TXNRD1: variants seen among roughly 807,000 people sequenced by gnomAD.
TXNRD1 encodes thioredoxin reductase 1, cytoplasmic.
In TXNRD1, 57 loss-of-function variants were observed where a neutral mutation model predicts 80.3. The ratio of observed to expected loss-of-function variants is 0.71; its 90% CI spans 0.57 to 0.89. TXNRD1 has a LOEUF of 0.89. Ranked by LOEUF, TXNRD1 falls within the 40% of genes least tolerant of loss-of-function variation. The pLI is 0.00. For synonymous variants in TXNRD1, 291 were observed against 285.2 expected, an observed-to-expected ratio of 1.02 and a Z score of -0.20; for missense variants, 730 against 803.0, an observed-to-expected ratio of 0.91 and a Z score of 1.10.
At chr12:104,271,334 C>G (rs1349431906) in intron 3 of TXNRD1, among the ~76,000 whole-genome samples, 8 of 151,836 alleles carry the variant, frequency 5.3e-5, no homozygotes, top group Admixed American at 4.6e-4. Flanking sequence ...TACAGGTGCC[C>G]GCCACTAATT....
At chr12:104,304,251 A>G in intron 4 of TXNRD1, 1 of 1,614,068 alleles carries the variant, frequency 6.2e-7, no homozygotes, top group Non-Finnish European at 8.5e-7. Flanking sequence ...AAGGCAAAGC[A>G]GTTAAACTCA....
intron 2 of TXNRD1, among the ~76,000 whole-genome samples, chr12:104,252,660 T>TCATATATATATATATATA (rs1182730147): frequency 7.5e-5 from 4 of 53,206 alleles, no homozygotes; most frequent in African/African-American, 4.2e-4. Flanking sequence ...ATTTATTATT[T>TCATATATATATATATATA]TTTATATATA....
chr12:104,237,838 C>T (rs557557545), intron 1 of TXNRD1, among the ~76,000 whole-genome samples: 10 of 151,962 alleles, frequency 6.6e-5, no homozygotes, highest in Admixed American at 6.6e-4. Context: ...TATGGTAAAA[C>T]CGTCTCTACT....
intron 15 of TXNRD1, among the ~76,000 whole-genome samples, chr12:104,334,957 A>G (rs1020043659): frequency 6.6e-6 from 1 of 152,194 alleles, no homozygotes; most frequent in Non-Finnish European, 1.5e-5. Context: ...ATGAATAACA[A>G]AAAAGAACAG....
intron 15 of TXNRD1, among the ~76,000 whole-genome samples, chr12:104,334,544 G>A (rs2036068302): frequency 6.6e-6 from 1 of 152,066 alleles, no homozygotes; most frequent in Admixed American, 6.5e-5. Context: ...CACCACACTG[G>A]CTAATTTTTG....
At chr12:104,270,314 A>G (rs370359731) in intron 3 of TXNRD1, among the ~76,000 whole-genome samples, 7 of 152,336 alleles carry the variant, frequency 4.6e-5, no homozygotes, top group African/African-American at 9.6e-5. Context: ...CTTGAAAGTC[A>G]AAATTAATCC....
chr12:104,308,401 CTT>C (rs759927841), intron 4 of TXNRD1, among the ~76,000 whole-genome samples: 96 of 152,250 alleles, frequency 6.3e-4, no homozygotes, highest in Non-Finnish European at 1.2e-3. Flanking sequence ...TATGAGCTGT[CTT>C]TTGTTGTCAG....
At position 104,334,280 on chromosome 12, in the gene TXNRD1, C is replaced by A; in HGVS notation, c.1694C>A (p.Ser565Ter). 1 of 1,538,592 alleles carries A rather than the reference C, an allele frequency of 6.5e-7. No individual in the cohort carries two copies. The highest frequency in any genetic ancestry group is 1.2e-5 in the South Asian group (1 of 80,942). ...TGGCCATTGGAATGGACGATTCCGT[C>A]AAGAGATAACAACAAATGTTATGCA... ...YFWPLEWTIP[S>*]RDNNKCYAKI... The change falls in exon 15 of 17, where the codon TCA becomes TAA. Residue 565 changes from serine (S) to a stop codon, truncating the protein, a stop_gained. Coordinates refer to ENST00000525566, the MANE Select transcript of TXNRD1 (RefSeq NM_001093771.3). LOFTEE classifies it high-confidence loss of function.
intron 1 of TXNRD1, among the ~76,000 whole-genome samples, chr12:104,224,189 A>G (rs1399676798): frequency 3.3e-5 from 5 of 152,106 alleles, no homozygotes; most frequent in Admixed American, 6.6e-5. Context: ...TACCTAAAAT[A>G]TCCTTCCTTC....
chr12:104,257,103 C>T (rs2135710065), intron 2 of TXNRD1, among the ~76,000 whole-genome samples: 1 of 149,908 alleles, frequency 6.7e-6, no homozygotes, highest in African/African-American at 2.4e-5. Flanking sequence ...AAATTATTGA[C>T]AGGCTGTTTG....
intron 9 of TXNRD1, among the ~76,000 whole-genome samples, chr12:104,320,339 G>A (rs2035484441): frequency 6.6e-6 from 1 of 152,196 alleles, no homozygotes; most frequent in East Asian, 1.9e-4. Flanking sequence ...CATGGTGGGA[G>A]AGGGAGAGGC....
Position 104,292,084 on chromosome 12 carries a change from T to C in TXNRD1, c.414+3044T>C, listed in dbSNP as rs567021920. 1.6e-3 allele frequency among the ~76,000 whole-genome samples: 245 copies of C among 152,314 alleles called. 1 individual carries two copies. Among genetic ancestry groups the C allele is most frequent in the African/African-American group, 5.6e-3 (234 of 41,548 alleles). On this transcript the variant is annotated intron_variant, in intron 4 of 16. Coordinates refer to ENST00000525566, the MANE Select transcript of TXNRD1 (RefSeq NM_001093771.3). ...AAAATGTCCACTTTTCCTTTCTCCT[T>C]TTAATATTGTTTCTTCCTCATCCCC... is the stretch of plus-strand genomic sequence containing the variant.
intron 3 of TXNRD1, among the ~76,000 whole-genome samples, chr12:104,269,559 C>T (rs1222334775): frequency 6.6e-6 from 1 of 151,796 alleles, no homozygotes; most frequent in Non-Finnish European, 1.5e-5. Flanking sequence ...GCTACCACAC[C>T]TAGCTAATTT....
At chr12:104,236,835 G>A (rs188253574) in intron 1 of TXNRD1, among the ~76,000 whole-genome samples, 99 of 149,872 alleles carry the variant, frequency 6.6e-4, no homozygotes, top group African/African-American at 2.1e-3. Flanking sequence ...CAGGGTTATA[G>A]GTATATTTAA....
At chr12:104,282,623 G>C (rs559965420) in intron 3 of TXNRD1, among the ~76,000 whole-genome samples, 1 of 151,788 alleles carries the variant, frequency 6.6e-6, no homozygotes, top group Non-Finnish European at 1.5e-5. Flanking sequence ...AAAGCTTTGT[G>C]TGTGTGTGTG....
At chr12:104,236,787 C>CAAAAA (rs35066909) in intron 1 of TXNRD1, among the ~76,000 whole-genome samples, 2 of 112,882 alleles carry the variant, frequency 1.8e-5, no homozygotes, top group African/African-American at 6.7e-5. Context: ...AAAACTGTCT[C>CAAAAA]AAAAAAAAAA....
At position 104,321,155 on chromosome 12, in the gene TXNRD1, G is replaced by T. The variant is rs911137254; in HGVS notation, c.1054G>T (p.Ala352Ser). ...KTLVVGASYV[A>S]LECAGFLAGI... The stretch of plus-strand genomic sequence containing the variant: ...CCTGGTTGTTGGAGCATCCTATGTC[G>T]CTTTGGAGTGCGCTGGATTTCTTGC... The change falls in exon 10 of 17, where the codon GCT becomes TCT. Residue 352 changes from alanine (A) to serine (S), a missense_variant. Coordinates refer to ENST00000525566, the MANE Select transcript of TXNRD1 (RefSeq NM_001093771.3). 4 of 1,611,252 alleles carry T rather than the reference G, an allele frequency of 2.5e-6. No individual in the cohort carries two copies. Among genetic ancestry groups the T allele is most frequent in the Non-Finnish European group, 3.4e-6 (4 of 1,179,664 alleles).
At position 104,246,223 on chromosome 12, in the gene TXNRD1, C is replaced by A. The variant is rs578120084; in HGVS notation, c.92-5304C>A. Reference sequence around the variant, plus strand: ...CGGGTGGATCATGAGGTCAGGAGATCGAGACCATCTTGGCTAACACGGTGA... The same window carrying A: ...CGGGTGGATCATGAGGTCAGGAGATAGAGACCATCTTGGCTAACACGGTGA... On this transcript the variant is annotated intron_variant, in intron 1 of 16. Coordinates refer to ENST00000525566, the MANE Select transcript of TXNRD1 (RefSeq NM_001093771.3). 3.4e-5 allele frequency among the ~76,000 whole-genome samples: 5 copies of A among 148,324 alleles called. No homozygotes were observed. The Admixed American group carries it at 3.4e-4, about 10-fold the overall frequency.
At position 104,239,354 on chromosome 12, in the gene TXNRD1, C is replaced by T. The variant is rs11111944; in HGVS notation, c.92-12173C>T. Among the ~76,000 whole-genome samples, 796 of 152,034 alleles carry T rather than the reference C, an allele frequency of 5.2e-3. 5 individuals are homozygous for T. Among genetic ancestry groups the T allele is most frequent in the Non-Finnish European group, 8.6e-3 (584 of 67,980 alleles). ...GATTACAGGCGTGTGCCACTACAACCGGCTAATTTTTTGTCTTTTTAGTAG... is the reference window on the plus strand; with the variant it reads ...GATTACAGGCGTGTGCCACTACAACTGGCTAATTTTTTGTCTTTTTAGTAG... On this transcript the variant is annotated intron_variant, in intron 1 of 16. Coordinates refer to ENST00000525566, the MANE Select transcript of TXNRD1 (RefSeq NM_001093771.3).
Sources: gnomAD v4.1 joint callset for allele counts (sites outside exome capture counted in the v4.1 genomes callset) on GRCh38, gnomAD v4.1.1 for gene constraint, MANE v1.5 for transcripts, NCBI Gene and HGNC (gene_info 2026-07-23, HGNC 2026-07-21) for gene names.